SCAF11: variants seen among roughly 807,000 people sequenced by gnomAD.
SCAF11 encodes the protein SR-related CTD associated factor 11, also known as protein SCAF11.
In SCAF11, 47 loss-of-function variants were observed where a neutral mutation model predicts 140.5. The observed-to-expected ratio is 0.33, with a 90% CI of 0.26 to 0.43. SCAF11 has a LOEUF of 0.43. SCAF11 is among the 20% of genes least tolerant of loss of function. SCAF11 has a pLI of 1.00. For synonymous variants in SCAF11, 557 were observed against 579.4 expected, an observed-to-expected ratio of 0.96 and a Z score of 0.55; for missense variants, 1,645 against 1,705.1, an observed-to-expected ratio of 0.96 and a Z score of 0.62.
At chr12:45,961,023 C>T in intron 3 of SCAF11, 1 of 287,746 alleles carries the variant, frequency 3.5e-6, no homozygotes. Flanking sequence ...AAGTATTTGG[C>T]CCAAATTGAG....
chr12:45,934,404 G>C, intron 7 of SCAF11, 43 bp downstream of exon 7: 1 of 1,485,966 alleles, frequency 6.7e-7, no homozygotes, highest in African/African-American at 1.4e-5. Context: ...TAACCCTAAA[G>C]TGTTATCATC....
chr12:45,927,174 G>A lies in SCAF11; in HGVS notation c.2527C>T (p.Arg843Trp), dbSNP rs200486339. 3.9e-4 allele frequency: 629 copies of A among 1,613,766 alleles called. No homozygotes were observed. The highest frequency in any genetic ancestry group is 5.0e-4 in the Admixed American group (30 of 59,990). The change falls in exon 11 of 15, where the codon CGG (arginine) becomes TGG (tryptophan). Residue 843 changes from arginine (R) to tryptophan (W), a missense_variant. Coordinates refer to ENST00000369367, the MANE Select transcript of SCAF11 (RefSeq NM_004719.3). ...GGGGACTGAGAACGGGATTTTTTCC[G>A]GCCTCTGGCTGACTCATTCTTAGGA... Reference protein sequence around the residue: ...PSPKNESARGRKKSRSQSPKK... With the variant: ...PSPKNESARGWKKSRSQSPKK...
intron 3 of SCAF11, among the ~76,000 whole-genome samples, chr12:45,952,538 CTTTATTTATT>C (rs1272426004): frequency 6.6e-6 from 1 of 152,068 alleles, no homozygotes; most frequent in Non-Finnish European, 1.5e-5. Context: ...TATAGGTGCT[CTTTATTTATT>C]AAGGAAATTG....
chr12:45,966,937 A>G (rs2136626919), intron 1 of SCAF11, among the ~76,000 whole-genome samples: 1 of 152,356 alleles, frequency 6.6e-6, no homozygotes, highest in South Asian at 2.1e-4. Context: ...TGTCATTTGA[A>G]AGTTAACACA....
At chr12:45,988,449 T>G (rs1946512211) in intron 1 of SCAF11, among the ~76,000 whole-genome samples, 1 of 152,222 alleles carries the variant, frequency 6.6e-6, no homozygotes, top group Admixed American at 6.5e-5. Context: ...ATCCTATCTC[T>G]GCTGAATAAA....
intron 4 of SCAF11, among the ~76,000 whole-genome samples, chr12:45,950,249 G>A (rs945249184): frequency 2.0e-5 from 3 of 152,022 alleles, no homozygotes; most frequent in Non-Finnish European, 4.4e-5. Flanking sequence ...ATTGAGAAGA[G>A]GTAGTTGTAG....
In SCAF11 at chr12:45,928,158, T is replaced by A. The variant is rs774379543; in HGVS notation, c.1543A>T (p.Ile515Phe). Residue 515 changes from isoleucine (I) to phenylalanine (F), a missense_variant, in exon 11 of 15, where the codon ATT becomes TTT. This residue lies in a region of SCAF11 where 1,582 missense variants were observed against 1,609.2 expected (regional missense o/e 0.98). Transcript: ENST00000369367. ...AATGGATCACCTCCTTTTTCAAGAA[T>A]ATTTTCAGAAATCTCACTTTCCAAA... The part of the protein sequence containing the change: ...LCLESEISEN[I>F]LEKGGDPLEK... 5 of 1,613,880 alleles carry A rather than the reference T, an allele frequency of 3.1e-6. No homozygotes were observed. Among genetic ancestry groups the A allele is most frequent in the Non-Finnish European group, 4.2e-6 (5 of 1,179,994 alleles).
chr12:45,934,266 C>T lies in SCAF11; in HGVS notation c.542G>A (p.Ser181Asn). 2 of 1,609,272 alleles carry T rather than the reference C, an allele frequency of 1.2e-6. No homozygotes were observed. Among genetic ancestry groups the T allele is most frequent in the East Asian group, 2.2e-5 (1 of 44,726 alleles). The part of the protein sequence containing the change: ...KINKPQRSNW[S>N]TNQCFRNFFS... ...AAAATTTCTGAAGCACTGATTTGTACTCCAATTTGATCTCTGAGGCTAGAA... is the reference window on the plus strand; with the variant it reads ...AAAATTTCTGAAGCACTGATTTGTATTCCAATTTGATCTCTGAGGCTAGAA... The change falls in exon 8 of 15, where the codon AGT (serine) becomes AAT (asparagine). Residue 181 changes from serine to asparagine, a missense_variant. By Grantham distance (46) the Ser-to-Asn change is conservative. Transcript: ENST00000369367.
At position 45,921,817 on chromosome 12, in the gene SCAF11, C is replaced by G. The variant is rs758918255; in HGVS notation, c.*231G>C. 14 of 481,760 alleles carry G rather than the reference C, an allele frequency of 2.9e-5. No individual in the cohort carries two copies. The highest frequency in any genetic ancestry group is 4.8e-5 in the Non-Finnish European group (13 of 272,670). 29.8% of individuals were successfully genotyped at this position (481,760 alleles called of 1,614,324 possible). A position where few individuals can be genotyped will look rare whatever the true frequency, so the allele number is the denominator to read the frequency against. The stretch of plus-strand genomic sequence containing the variant: ...TAGTAAAGATGCACATTCCTTTAAA[C>G]CCTTTACTTTCCCTTGAATTTTGTG... On this transcript the variant is annotated 3_prime_UTR_variant, in exon 15 of 15. Transcript: ENST00000369367.
chr12:45,942,087 C>A (rs1304276694), intron 6 of SCAF11, among the ~76,000 whole-genome samples: 1 of 152,186 alleles, frequency 6.6e-6, no homozygotes, highest in Non-Finnish European at 1.5e-5. Context: ...TGTAGGAATA[C>A]TGTATATAAT....
chr12:45,980,139 G>A (rs965050112), intron 1 of SCAF11, among the ~76,000 whole-genome samples: 1 of 152,164 alleles, frequency 6.6e-6, no homozygotes, highest in African/African-American at 2.4e-5. Context: ...AGATCGAAAA[G>A]CCAGCATTAA....
intron 13 of SCAF11, 135 bp from the exon 14 acceptor site, chr12:45,922,717 T>A: frequency 1.0e-6 from 1 of 958,280 alleles, no homozygotes; most frequent in South Asian, 1.7e-5. Context: ...TATAAAACAG[T>A]TTATTTACTA....
chr12:45,989,946 G>A (rs929574300), intron 1 of SCAF11, among the ~76,000 whole-genome samples: 4 of 152,056 alleles, frequency 2.6e-5, no homozygotes, highest in Non-Finnish European at 5.9e-5. Context: ...GGAGGAGGGT[G>A]TCTGTGGCGG....
At chr12:45,954,978 G>A (rs1258492773) in intron 3 of SCAF11, 3 of 150,650 alleles carry the variant, frequency 2.0e-5, no homozygotes, top group Non-Finnish European at 4.4e-5. Context: ...GGTTTGCCTA[G>A]TTTCATTTTA....
intron 1 of SCAF11, among the ~76,000 whole-genome samples, chr12:45,967,552 G>C (rs1332462046): frequency 6.6e-6 from 1 of 152,112 alleles, no homozygotes; most frequent in Admixed American, 6.5e-5. Flanking sequence ...GGTGAGGCAG[G>C]AGAATTGCTT....
intron 1 of SCAF11, among the ~76,000 whole-genome samples, chr12:45,987,908 G>A (rs374872902): frequency 4.0e-5 from 6 of 151,752 alleles, no homozygotes; most frequent in Middle Eastern, 3.2e-3. Flanking sequence ...GTGTTTTTAC[G>A]TTATGTATTG....
chr12:45,929,404 T>A (rs1944988635), intron 10 of SCAF11: 1 of 152,298 alleles, frequency 6.6e-6, no homozygotes. Context: ...GTGATCTGCC[T>A]GCCTCGGCCT....
At chr12:45,931,197 G>A (rs563058853) in intron 10 of SCAF11, 1 of 162,810 alleles carries the variant, frequency 6.1e-6, no homozygotes, top group Admixed American at 6.4e-5. Flanking sequence ...TATTCACTTA[G>A]CCTAATGTCC....
chr12:45,979,455 TGTTTA>T (rs1946303849), intron 1 of SCAF11, among the ~76,000 whole-genome samples: 1 of 152,208 alleles, frequency 6.6e-6, no homozygotes, highest in Admixed American at 6.5e-5. Flanking sequence ...TACCCCGTTC[TGTTTA>T]AACAAGATTT....
Sources: allele counts gnomAD v4.1 joint callset (sites outside exome capture counted in the v4.1 genomes callset), GRCh38; gene constraint gnomAD v4.1.1; regional missense constraint gnomAD v4.1.1; transcripts MANE v1.5; gene names NCBI Gene and HGNC (gene_info 2026-07-23, HGNC 2026-07-21).